The following TRAPPC11 variants were observed in gnomAD, a reference collection of about 807,000 sequenced individuals.
TRAPPC11 encodes the protein foie gras homolog.
Under a neutral mutation model 151.2 loss-of-function variants are expected in TRAPPC11, and 104 were observed. The ratio of observed to expected loss-of-function variants is 0.69; its 90% CI spans 0.59 to 0.81. The LOEUF is 0.81. Among genes scored for constraint, TRAPPC11 ranks in the 30% least tolerant of loss-of-function variants. TRAPPC11 has a pLI of 0.00. For missense variants in TRAPPC11, 1,230 were observed against 1,349.6 expected (o/e 0.91, Z 1.39); for synonymous variants, 456 against 472.3 (o/e 0.97, Z 0.45).
At chr4:183,679,242 A>C in intron 8 of TRAPPC11, 111 bp from the exon 9 acceptor site, 2 of 1,103,460 alleles carry the variant, frequency 1.8e-6, no homozygotes, top group Non-Finnish European at 2.4e-6. Context: ...GCTTCAGAGA[A>C]GGAAATTTCA....
chr4:183,660,867 C>G (rs1315273280), intron 1 of TRAPPC11, among the ~76,000 whole-genome samples: 1 of 152,082 alleles, frequency 6.6e-6, no homozygotes, highest in African/African-American at 2.4e-5. Flanking sequence ...GCACGCATCA[C>G]CATGCCCGGC....
At chr4:183,705,989 A>G (rs1737033376) in intron 27 of TRAPPC11, 1 of 152,182 alleles carries the variant, frequency 6.6e-6, no homozygotes, top group South Asian at 2.1e-4. Context: ...GCACGGCCCT[A>G]TGCAAGGATG....
chr4:183,703,523 T>C (rs1292093029), intron 26 of TRAPPC11, among the ~76,000 whole-genome samples: 1 of 152,250 alleles, frequency 6.6e-6, no homozygotes. Context: ...TTGTGACTTA[T>C]ATGCTATTGA....
chr4:183,660,144 C>A (rs1218371110), intron 1 of TRAPPC11, among the ~76,000 whole-genome samples: 1 of 152,184 alleles, frequency 6.6e-6, no homozygotes, highest in African/African-American at 2.4e-5. Context: ...TGTGCGTTAT[C>A]GGGGTTCTCA....
rs1579191190 is a variant in TRAPPC11, at chr4:183,684,946, C to T, written c.1567+105C>T. 3.1e-6 allele frequency: 4 copies of T among 1,301,686 alleles called. No individual in the cohort carries two copies. In the East Asian group the frequency reaches 9.9e-5, roughly 32 times the overall value. The allele number at this position is 1,301,686 out of a possible 1,614,324, so 80.6% of individuals were successfully genotyped here. A position where few individuals can be genotyped will look rare whatever the true frequency, so the allele number is the denominator to read the frequency against. ...AATTTAGTCCCAGATAATTAGTATA[C>T]TTTACTATGTGCAAATCACTGTGCT... On this transcript the variant is annotated intron_variant, in intron 15 of 29. Transcript: ENST00000334690.
At position 183,706,957 on chromosome 4, in the gene TRAPPC11, G is replaced by A; in HGVS notation, c.3189+17G>A. On this transcript the variant is annotated intron_variant, in intron 28 of 29. Coordinates refer to ENST00000334690, the MANE Select transcript of TRAPPC11 (RefSeq NM_021942.6). ...CTCAAACAGGTACAGGTCATATCTTGTGATGCTTATGTTGACACAAAAGTG... is the reference window on the plus strand; with the variant it reads ...CTCAAACAGGTACAGGTCATATCTTATGATGCTTATGTTGACACAAAAGTG... The A allele has an allele frequency of 6.2e-7, 1 of 1,611,434 alleles. No individual in the cohort carries two copies. Among genetic ancestry groups the A allele is most frequent in the South Asian group, 1.1e-5 (1 of 90,524 alleles).
At chr4:183,680,671 TG>T in intron 10 of TRAPPC11, among the ~76,000 whole-genome samples, 1 of 145,814 alleles carries the variant, frequency 6.9e-6, no homozygotes, top group South Asian at 2.1e-4. Context: ...TTTTCCTGTA[TG>T]GAGACTCTTT....
chr4:183,666,505 G>GTACC lies in TRAPPC11; in HGVS notation c.374+80_374+83dup, dbSNP rs5864850. ...ACTAACATTCCTTGAAGGCAATGGA[G>GTACC]TACCGTTCAGACTGCAGTGGTCACT... is the stretch of plus-strand genomic sequence containing the variant. On this transcript the variant is annotated intron_variant, in intron 3 of 29. Coordinates refer to ENST00000334690, the MANE Select transcript of TRAPPC11 (RefSeq NM_021942.6). 622,451 of 1,430,074 alleles carry GTACC rather than the reference G, an allele frequency of 0.44. 140,716 individuals are homozygous for GTACC. Among genetic ancestry groups the GTACC allele is most frequent in the African/African-American group, 0.62 (43,724 of 70,540 alleles). The allele number at this position is 1,430,074 out of a possible 1,614,324, so 88.6% of individuals were successfully genotyped here. A position where few individuals can be genotyped will look rare whatever the true frequency, so the allele number is the denominator to read the frequency against.
chr4:183,712,655 C>T lies in TRAPPC11; in HGVS notation c.*11C>T, dbSNP rs376809612. 2.2e-5 allele frequency: 35 copies of T among 1,613,846 alleles called. No individual in the cohort carries two copies. The highest frequency in any genetic ancestry group is 3.3e-4 in the Middle Eastern group (2 of 6,084). On this transcript the variant is annotated 3_prime_UTR_variant, in exon 30 of 30. Coordinates refer to ENST00000334690, the MANE Select transcript of TRAPPC11 (RefSeq NM_021942.6). ...ATTGCTGCTGCATGATGTTCAAGAC[C>T]GGCCCTTGGCTGTTGTTACAGAGAT... is the stretch of plus-strand genomic sequence containing the variant.
chr4:183,697,735 C>A lies in TRAPPC11; in HGVS notation c.2751C>A (p.Leu917=). 1 of 1,614,192 alleles carries A rather than the reference C, an allele frequency of 6.2e-7. No individual in the cohort carries two copies. Among genetic ancestry groups the A allele is most frequent in the Non-Finnish European group, 8.5e-7 (1 of 1,180,044 alleles). The change falls in exon 25 of 30, where the codon CTC becomes CTA. Residue 917 remains leucine (L), a synonymous_variant. Transcript: ENST00000334690. ...ADIPFLLMTD[L]LSASPWALTI... ...TCCCCTTTCTGTTGATGACGGACCT[C>A]TTAAGTGCCTCACCCTGGGCCCTCA...
intron 23 of TRAPPC11, 109 bp downstream of exon 23, chr4:183,694,832 TAGTCTG>T: frequency 1.8e-6 from 2 of 1,114,692 alleles, no homozygotes; most frequent in Non-Finnish European, 2.5e-6. Flanking sequence ...TAGGTGCTTA[TAGTCTG>T]TTATAAATTT....
intron 26 of TRAPPC11, among the ~76,000 whole-genome samples, chr4:183,702,928 T>C (rs1204343549): frequency 6.6e-6 from 1 of 152,222 alleles, no homozygotes; most frequent in African/African-American, 2.4e-5. Flanking sequence ...CTGAATGTTA[T>C]GGCTGTCATG....
At chr4:183,664,200 T>TA in intron 2 of TRAPPC11, 129 bp downstream of exon 2, 1 of 759,792 alleles carries the variant, frequency 1.3e-6, no homozygotes, top group Non-Finnish European at 2.2e-6. Context: ...AAGAAAGCCT[T>TA]AGGCATTTTC....
chr4:183,670,783 T>G (rs1490720224), intron 5 of TRAPPC11, among the ~76,000 whole-genome samples: 1 of 151,924 alleles, frequency 6.6e-6, no homozygotes. Flanking sequence ...TTTGTTTGCT[T>G]TTGGTTTTTG....
At position 183,664,812 on chromosome 4, in the gene TRAPPC11, C is replaced by CT. The variant is rs111754786; in HGVS notation, c.204+750dup. Among the ~76,000 whole-genome samples the CT allele has an allele frequency of 2.8e-4, 42 of 151,046 alleles. 1 individual carries two copies. The highest frequency in any genetic ancestry group is 2.8e-4 in the Non-Finnish European group (19 of 67,746). Reference sequence around the variant, plus strand: ...AACCCTTTTAGTTCTGACCCCTATCCTTTTTTTTTCTTTTGCCCTAGAGCA... The same window carrying CT: ...AACCCTTTTAGTTCTGACCCCTATCCTTTTTTTTTTCTTTTGCCCTAGAGCA... On this transcript the variant is annotated intron_variant, in intron 2 of 29. Transcript: ENST00000334690.
chr4:183,689,789 T>C (rs1736163863), intron 18 of TRAPPC11, among the ~76,000 whole-genome samples: 1 of 47,806 alleles, frequency 2.1e-5, no homozygotes, highest in Non-Finnish European at 4.8e-5. Flanking sequence ...TTCTTTTCTT[T>C]CCTTTTTTTT....
At chr4:183,679,059 C>T (rs1735547967) in intron 8 of TRAPPC11, among the ~76,000 whole-genome samples, 1 of 152,056 alleles carries the variant, frequency 6.6e-6, no homozygotes, top group Non-Finnish European at 1.5e-5. Flanking sequence ...AGTCCATGTT[C>T]TTCATTGGGG....
intron 25 of TRAPPC11, 138 bp from the exon 26 acceptor site, chr4:183,701,558 TC>T: frequency 1.6e-6 from 1 of 617,678 alleles, no homozygotes; most frequent in East Asian, 2.8e-5. Flanking sequence ...ATTTAACATC[TC>T]TGAACCCTAC....
intron 10 of TRAPPC11, among the ~76,000 whole-genome samples, chr4:183,680,655 C>A (rs1735629677): frequency 7.0e-6 from 1 of 142,470 alleles, no homozygotes; most frequent in South Asian, 2.2e-4. Context: ...CTTTCTCTTC[C>A]TGGGGTTTTC....
Sources: allele counts gnomAD v4.1 joint callset (sites outside exome capture counted in the v4.1 genomes callset), GRCh38; gene constraint gnomAD v4.1.1; transcripts MANE v1.5; gene names NCBI Gene and HGNC (gene_info 2026-07-23, HGNC 2026-07-21).